Variants in TTN observed in about 807,000 individuals in gnomAD.
TTN encodes connectin.
TTN carries 1,525 observed loss-of-function variants against 3,223.0 expected under a neutral mutation model. The ratio of observed to expected loss-of-function variants is 0.47; its 90% confidence interval spans 0.45 to 0.49. The LOEUF (loss-of-function observed/expected upper bound fraction) is 0.49. Ranked by LOEUF, TTN falls within the 20% of genes least tolerant of loss-of-function variation. The pLI, the probability that TTN is intolerant of heterozygous loss-of-function variation, is 0.00. For missense variants in TTN, 40,786 were observed against 43,424.0 expected (o/e 0.94, Z 5.40); for synonymous variants, 14,094 against 15,161.0 (o/e 0.93, Z 5.17).
chr2:178,530,467 TG>T lies in TTN; in HGVS notation c.106147del (p.His35383MetfsTer22). The T allele has an allele frequency of 6.2e-7, 1 of 1,614,020 alleles. No homozygotes were observed. Among genetic ancestry groups the T allele is most frequent in the Non-Finnish European group, 8.5e-7 (1 of 1,179,874 alleles). ...TTCTGATATTTTTGATACCTTCTCA[TG>T]GATACTCTTAAAGGCTTGCCCCATA... ...QFMGQAFKSI[H>X]EKVSKISETK... On this transcript the variant is annotated frameshift_variant, in exon 358 of 363. Coordinates refer to ENST00000589042, the MANE Select transcript of TTN (RefSeq NM_001267550.2). LOFTEE classifies it high-confidence loss of function.
Position 178,617,013 on chromosome 2 carries a change from A to G in TTN, c.47876T>C (p.Val15959Ala). 6.2e-7 allele frequency: 1 copy of G among 1,612,310 alleles called. No individual in the cohort carries two copies. The highest frequency in any genetic ancestry group is 8.5e-7 in the Non-Finnish European group (1 of 1,178,964). Residue 15959 changes from valine (V) to alanine (A), a missense_variant and splice_region_variant, in exon 256 of 363, where the codon GTT (valine) becomes GCT (alanine). Transcript: ENST00000589042. ...TGCACTTAAATCCATTGTTGGTTCA[A>G]CTACAAAGAAGAAAAGTTAATGAGT... ...LGPLTADDAF[V>A]EPTMDLSAFK...
At chr2:178,616,333 G>T in intron 257 of TTN, 146 bp downstream of exon 257, 1 of 1,012,624 alleles carries the variant, frequency 9.9e-7, no homozygotes, top group Non-Finnish European at 1.5e-6. Context: ...CATTAGCACC[G>T]ATGCATTCTT....
chr2:178,646,107 TATATATATATATATATATATATATATATA>T lies in TTN; in HGVS notation c.40298-106_40298-78del, dbSNP rs2061924653. The T allele has an allele frequency of 3.5e-5, 3 of 85,296 alleles. 1 individual carries two copies. The highest frequency in any genetic ancestry group is 8.6e-4 in the South Asian group (2 of 2,338). 5.3% of individuals were successfully genotyped at this position (85,296 alleles called of 1,614,324 possible). ...TATGTAGTATATTTAATAGAAATTATATATATATATATATATATATATATATATATATATATATATGAAGTACAAAGTTT... is the reference window on the plus strand; with the variant it reads ...TATGTAGTATATTTAATAGAAATTATTATATATATATGAAGTACAAAGTTT... On this transcript the variant is annotated intron_variant, in intron 216 of 362. Coordinates refer to ENST00000589042, the MANE Select transcript of TTN (RefSeq NM_001267550.2).
intron 265 of TTN, 29 bp from the exon 266 acceptor site, chr2:178,612,605 A>AT (rs34928195): frequency 2.6e-3 from 3,457 of 1,335,926 alleles, no homozygotes; most frequent in Non-Finnish European, 3.0e-3. Context: ...AAACAAATTC[A>AT]TTTTTTTTTT....
In TTN at chr2:178,605,689, A is replaced by C; in HGVS notation, c.53606T>G (p.Leu17869Arg). ...GGACTTTGTCCTTTCAGTGTATGTG[A>C]GCCTCTCTGGAGATGTTGGAGGACC... is the stretch of plus-strand genomic sequence containing the variant. ...PLGPPTSPER[L>R]TYTERTKSTI... The change falls in exon 279 of 363, where the codon CTC becomes CGC. Residue 17869 changes from leucine (L) to arginine (R), a missense_variant. By Grantham distance (102) the Leu-to-Arg change is moderately radical (BLOSUM62 -2). Transcript: ENST00000589042. 6.3e-7 allele frequency: 1 copy of C among 1,581,478 alleles called. No homozygotes were observed. The highest frequency in any genetic ancestry group is 8.6e-7 in the Non-Finnish European group (1 of 1,161,122).
intron 122 of TTN, 102 bp downstream of exon 122, chr2:178,689,711 A>G: frequency 6.9e-7 from 1 of 1,442,342 alleles, no homozygotes; most frequent in Admixed American, 2.1e-5. Context: ...TCACCACAAA[A>G]CATTCATTTA....
intron 18 of TTN, 97 bp from the exon 19 acceptor site, chr2:178,782,699 C>T (rs2092887498): frequency 1.0e-5 from 16 of 1,604,824 alleles, no homozygotes; most frequent in Non-Finnish European, 1.4e-5. Flanking sequence ...CCCCCAAGTT[C>T]CAAAAAGGGA....
chr2:178,607,872 C>T lies in TTN; in HGVS notation c.52915G>A (p.Asp17639Asn). 1.2e-6 allele frequency: 2 copies of T among 1,613,042 alleles called. No individual in the cohort carries two copies. Among genetic ancestry groups the T allele is most frequent in the Non-Finnish European group, 8.5e-7 (1 of 1,179,338 alleles). Residue 17639 changes from aspartate (D) to asparagine (N), a missense_variant, in exon 276 of 363, where the codon GAT becomes AAT. Coordinates refer to ENST00000589042, the MANE Select transcript of TTN (RefSeq NM_001267550.2). ...ACAGCACTCACCCGAAGTTTGTAAT[C>T]AGCACCCTCTCGGATTTCTTTGACG... is the stretch of plus-strand genomic sequence containing the variant. ...YTVKEIREGA[D>N]YKLRVSAVNA...
At position 178,680,422 on chromosome 2, in the gene TTN, T is replaced by C. The variant is rs1388758257; in HGVS notation, c.33341-91A>G. 8 of 1,032,526 alleles carry C rather than the reference T, an allele frequency of 7.7e-6. No homozygotes were observed. The South Asian group carries it at 1.1e-4, about 14-fold the overall frequency. 64.0% of individuals were successfully genotyped at this position (1,032,526 alleles called of 1,614,324 possible). A position where few individuals can be genotyped will look rare whatever the true frequency, so the allele number is the denominator to read the frequency against. On this transcript the variant is annotated intron_variant, in intron 138 of 362. Transcript: ENST00000589042. ...GCTGTACTTTAAGCAGATAGAATAA[T>C]GTATCTTCCTTTAATGAGATACATA...
chr2:178,746,127 T>C (rs772192386), intron 47 of TTN: 1 of 1,613,466 alleles, frequency 6.2e-7, no homozygotes, highest in South Asian at 1.1e-5. Context: ...ACGTATTTAA[T>C]ATTATCTGGC....
chr2:178,692,034 G>T lies in TTN; in HGVS notation c.31744C>A (p.Pro10582Thr), dbSNP rs761971861. Residue 10582 changes from proline to threonine, a missense_variant, in exon 121 of 363, where the codon CCT becomes ACT. Transcript: ENST00000589042. ...GGCGTACCTTTTGGGGGAGCAGCAG[G>T]TTCCTTCTTAGGCACAGGAACTGGC... ...KKPVPVPKKE[P>T]AAPPKVPEVP... is the part of the protein sequence containing the mutation. The T allele has an allele frequency of 3.1e-6, 5 of 1,612,612 alleles. No homozygotes were observed. Among genetic ancestry groups the T allele is most frequent in the Admixed American group, 3.3e-5 (2 of 59,924 alleles).
In TTN at chr2:178,775,699, T is replaced by G; in HGVS notation, c.6165A>C (p.Glu2055Asp). The G allele has an allele frequency of 6.2e-7, 1 of 1,614,154 alleles. No individual in the cohort carries two copies. The highest frequency in any genetic ancestry group is 8.5e-7 in the Non-Finnish European group (1 of 1,180,002). ...LTEEEKKALA[E>D]EGKITIPTFK... The stretch of plus-strand genomic sequence containing the variant: ...AAGTTGGAATCGTGATTTTGCCTTC[T>G]TCGGCAAGAGCTTTCTTTTCCTCTT... Residue 2055 changes from glutamate to aspartate, a missense_variant, in exon 28 of 363, where the codon GAA (glutamate) becomes GAC (aspartate). By Grantham distance (45) the Glu-to-Asp change is conservative. Coordinates refer to ENST00000589042, the MANE Select transcript of TTN (RefSeq NM_001267550.2).
chr2:178,633,008 GA>G lies in TTN; in HGVS notation c.43122del (p.Leu14375Ter), dbSNP rs1203006457. The G allele has an allele frequency of 6.2e-7, 1 of 1,613,006 alleles. No homozygotes were observed. Among genetic ancestry groups the G allele is most frequent in the African/African-American group, 1.3e-5 (1 of 74,876 alleles). ...CCCAGCTGACAGTTATGAAGGATCAGAATATGCTTCTTTCCATCCTCAATGA... is the reference window on the plus strand; with the variant it reads ...CCCAGCTGACAGTTATGAAGGATCAGATATGCTTCTTTCCATCCTCAATGA... The part of the protein sequence containing the change: ...CEIIEDGKKH[I>X]LILHNCQLGM... On this transcript the variant is annotated frameshift_variant, in exon 234 of 363. Coordinates refer to ENST00000589042, the MANE Select transcript of TTN (RefSeq NM_001267550.2). LOFTEE classifies it high-confidence loss of function.
chr2:178,643,048 C>G (rs2061443771), intron 218 of TTN, among the ~76,000 whole-genome samples: 1 of 151,870 alleles, frequency 6.6e-6, no homozygotes, highest in Non-Finnish European at 1.5e-5. Flanking sequence ...TATAGAGCAG[C>G]CTCTTTTGCT....
chr2:178,694,610 A>T lies in TTN; in HGVS notation c.31415T>A (p.Ile10472Asn), dbSNP rs1418004312. ...ACAAAGATGTATACCTTTCACTTCA[A>T]TAACTTCTTCCTGTACTGGAGTCCG... ...PSRTPVQEEV[I>N]EVKVPAVHTK... The change falls in exon 117 of 363, where the codon ATT (isoleucine) becomes AAT (asparagine). Residue 10472 changes from isoleucine (I) to asparagine (N), a missense_variant. Physicochemically the swap from Ile to Asn is moderately radical, Grantham distance 149. Coordinates refer to ENST00000589042, the MANE Select transcript of TTN (RefSeq NM_001267550.2). 1.9e-6 allele frequency: 3 copies of T among 1,556,846 alleles called. No homozygotes were observed. The Admixed American group carries it at 5.7e-5, about 30-fold the overall frequency.
intron 6 of TTN, 132 bp downstream of exon 6, chr2:178,799,355 G>C: frequency 7.1e-7 from 1 of 1,403,776 alleles, no homozygotes; most frequent in Non-Finnish European, 9.8e-7. Context: ...CTAGAGGTTT[G>C]AGCAGCGGGA....
At chr2:178,630,988 A>G in intron 237 of TTN, 45 bp from the exon 238 acceptor site, 2 of 1,611,480 alleles carry the variant, frequency 1.2e-6, no homozygotes, top group Non-Finnish European at 8.5e-7. Context: ...CTCTGGCACA[A>G]ATAACCCCAA....
intron 113 of TTN, among the ~76,000 whole-genome samples, chr2:178,696,720 A>G (rs763566750): frequency 3.3e-5 from 5 of 152,074 alleles, no homozygotes; most frequent in Non-Finnish European, 5.9e-5. Flanking sequence ...ATGATCCCTT[A>G]GTCAGTTTCA....
Position 178,739,815 on chromosome 2 carries a change from A to G in TTN, c.13418T>C (p.Leu4473Pro). Residue 4473 changes from leucine (L) to proline (P), a missense_variant, in exon 48 of 363, where the codon CTT becomes CCT. Transcript: ENST00000589042. ...TATAATAGCACACAAAGCATCCCTA[A>G]GTTCCATTTTCAGGTTAGCCATTTG... The part of the protein sequence containing the change: ...DPQMANLKME[L>P]RDALCAIIYE... 1 of 1,613,858 alleles carries G rather than the reference A, an allele frequency of 6.2e-7. No individual in the cohort carries two copies. The highest frequency in any genetic ancestry group is 8.5e-7 in the Non-Finnish European group (1 of 1,179,818).
Sources: gnomAD v4.1 joint callset for allele counts (sites outside exome capture counted in the v4.1 genomes callset) on GRCh38, gnomAD v4.1.1 for gene constraint, MANE v1.5 for transcripts, NCBI Gene and HGNC (gene_info 2026-07-23, HGNC 2026-07-21) for gene names.